PKP1: variants seen among roughly 807,000 people sequenced by gnomAD.
PKP1 encodes plakophilin-1.
In PKP1, 27 loss-of-function variants were observed where a neutral mutation model predicts 76.4. The ratio of observed to expected loss-of-function variants is 0.35; its 90% CI spans 0.26 to 0.49. The LOEUF is 0.49. Ranked by LOEUF, PKP1 falls within the 20% of genes least tolerant of loss-of-function variation. PKP1 has a pLI of 0.99. For synonymous variants in PKP1, 404 were observed against 384.2 expected, an observed-to-expected ratio of 1.05 and a Z score of -0.60; for missense variants, 964 against 955.2, an observed-to-expected ratio of 1.01 and a Z score of -0.12.
At chr1:201,316,114 G>GGACGGATGGACGGACA (rs1656719078) in intron 3 of PKP1, 1 of 144,330 alleles carries the variant, frequency 6.9e-6, no homozygotes. Context: ...ACAGATGGAT[G>GGACGGATGGACGGACA]GACGGATGGA....
intron 7 of PKP1, 73 bp from the exon 8 acceptor site, chr1:201,321,905 T>C: frequency 6.4e-7 from 1 of 1,564,200 alleles, no homozygotes; most frequent in Non-Finnish European, 8.8e-7. Flanking sequence ...TCTTATTAGC[T>C]AGGGTAGGTG....
In PKP1 at chr1:201,318,891, A is replaced by C. The variant is rs1397100172; in HGVS notation, c.1232+96A>C. The C allele has an allele frequency of 2.9e-6, 3 of 1,031,656 alleles. No individual in the cohort carries two copies. In the Admixed American group the frequency reaches 6.0e-5, roughly 20 times the overall value. 63.9% of individuals were successfully genotyped at this position (1,031,656 alleles called of 1,614,324 possible). On this transcript the variant is annotated intron_variant, in intron 6 of 13. Coordinates refer to ENST00000367324, the MANE Select transcript of PKP1 (RefSeq NM_001005337.3). ...CCAACATTCAGCCGGTGCATAGAACATAACAGACAACCCGGCACTCCCTCT... is the reference window on the plus strand; with the variant it reads ...CCAACATTCAGCCGGTGCATAGAACCTAACAGACAACCCGGCACTCCCTCT...
intron 12 of PKP1, 70 bp from the exon 13 acceptor site, chr1:201,328,692 G>A (rs1307822679): frequency 7.2e-7 from 1 of 1,387,822 alleles, no homozygotes; most frequent in Non-Finnish European, 1.0e-6. Flanking sequence ...GAGGGCAGTG[G>A]ACAGTGTCTG....
At chr1:201,328,494 C>A in intron 12 of PKP1, 2 of 533,788 alleles carry the variant, frequency 3.7e-6, no homozygotes, top group Non-Finnish European at 6.8e-6. Flanking sequence ...AGCCTAAATC[C>A]TCACGCCTTG....
At chr1:201,311,680 A>C (rs1023929590) in intron 2 of PKP1, among the ~76,000 whole-genome samples, 1 of 145,620 alleles carries the variant, frequency 6.9e-6, no homozygotes, top group Admixed American at 6.8e-5. Flanking sequence ...CCTCCCCTAC[A>C]CACACATACT....
chr1:201,298,681 A>T (rs917902062), intron 2 of PKP1, among the ~76,000 whole-genome samples: 3 of 152,134 alleles, frequency 2.0e-5, no homozygotes, highest in African/African-American at 7.2e-5. Flanking sequence ...AACAAGGGAG[A>T]ATTCTGTCTT....
intron 2 of PKP1, among the ~76,000 whole-genome samples, chr1:201,303,442 AT>A (rs1334171226): frequency 6.6e-6 from 1 of 152,194 alleles, no homozygotes; most frequent in African/African-American, 2.4e-5. Context: ...CAATGTATTT[AT>A]TTTGAAAGGA....
At chr1:201,294,572 G>A (rs976239560) in intron 2 of PKP1, among the ~76,000 whole-genome samples, 1 of 152,148 alleles carries the variant, frequency 6.6e-6, no homozygotes, top group African/African-American at 2.4e-5. Context: ...ATGTGGCTTT[G>A]GGCAAGTTAC....
At position 201,287,261 on chromosome 1, in the gene PKP1, G is replaced by T. The variant is rs1655768440; in HGVS notation, c.202+3357G>T. ...CAGGGGAGGTGCCTGCTCCCTTTCT[G>T]TAGTTCCTGTGTCTATTCAGCCCTC... On this transcript the variant is annotated intron_variant, in intron 1 of 13. Coordinates refer to ENST00000367324, the MANE Select transcript of PKP1 (RefSeq NM_001005337.3). Among the ~76,000 whole-genome samples the T allele has an allele frequency of 2.0e-5, 3 of 152,276 alleles. No individual in the cohort carries two copies. In the South Asian group the frequency reaches 6.2e-4, roughly 32 times the overall value.
At chr1:201,295,215 A>G (rs926406434) in intron 2 of PKP1, among the ~76,000 whole-genome samples, 2 of 151,950 alleles carry the variant, frequency 1.3e-5, no homozygotes, top group Non-Finnish European at 2.9e-5. Context: ...GGAGTTTATA[A>G]GTTTGGTGTT....
chr1:201,320,365 G>A lies in PKP1; in HGVS notation c.1331G>A (p.Ser444Asn). 6.2e-7 allele frequency: 1 copy of A among 1,612,576 alleles called. No individual in the cohort carries two copies. Among genetic ancestry groups the A allele is most frequent in the Non-Finnish European group, 8.5e-7 (1 of 1,178,562 alleles). Residue 444 changes from serine to asparagine, a missense_variant, in exon 7 of 14, where the codon AGC becomes AAC. Transcript: ENST00000367324. ...MAYVQNCVAA[S>N]RCDDKSVENC... ...TATGTCCAGAACTGTGTAGCGGCCA[G>A]CCGCTGTGACGACAAGGTGAGTGCA...
intron 1 of PKP1, among the ~76,000 whole-genome samples, chr1:201,287,333 A>G (rs1468419508): frequency 3.3e-5 from 5 of 152,180 alleles, no homozygotes; most frequent in African/African-American, 1.2e-4. Flanking sequence ...CAGCCTGCAC[A>G]GTGAAGGAGC....
At chr1:201,311,924 C>T (rs1031144782) in intron 2 of PKP1, among the ~76,000 whole-genome samples, 3 of 152,280 alleles carry the variant, frequency 2.0e-5, no homozygotes, top group African/African-American at 7.2e-5. Context: ...AACTGATTCG[C>T]ACCAAGTCTC....
In PKP1 at chr1:201,328,868, G is replaced by A; in HGVS notation, c.*32G>A. On this transcript the variant is annotated splice_region_variant and 3_prime_UTR_variant, in exon 13 of 14. Coordinates refer to ENST00000367324, the MANE Select transcript of PKP1 (RefSeq NM_001005337.3). ...ACTGTCCAAGCAAGTTAGGCTTGCA[G>A]GTAAGAATCACCCCACCCTCAGGGA... is the stretch of plus-strand genomic sequence containing the variant. 1 of 1,563,852 alleles carries A rather than the reference G, an allele frequency of 6.4e-7. No homozygotes were observed. Among genetic ancestry groups the A allele is most frequent in the Non-Finnish European group, 8.8e-7 (1 of 1,134,100 alleles).
At chr1:201,318,069 C>CA (rs1656818279) in intron 5 of PKP1, among the ~76,000 whole-genome samples, 2 of 152,220 alleles carry the variant, frequency 1.3e-5, no homozygotes, top group African/African-American at 4.8e-5. Flanking sequence ...TTCCACAAGC[C>CA]CTGGGATTCC....
At chr1:201,325,722 T>A (rs1432888077) in intron 11 of PKP1, 32 bp from the exon 12 acceptor site, 1 of 1,548,698 alleles carries the variant, frequency 6.5e-7, no homozygotes. Flanking sequence ...TCCTGGAATC[T>A]CATCTCACAA....
rs773808252 is a variant in PKP1, at chr1:201,318,691, C to T, written c.1128C>T (p.Ala376=). Residue 376 remains alanine, a synonymous_variant, in exon 6 of 14, where the codon GCC becomes GCT. Transcript: ENST00000367324. ...TTGCCGACGCCCTGCCTGTTCTGGC[C>T]GACCGCGTCATCATTCCCTTCTCTG... ...ELIADALPVL[A]DRVIIPFSGW... is the part of the protein sequence containing the mutation. 23 of 1,612,348 alleles carry T rather than the reference C, an allele frequency of 1.4e-5. No homozygotes were observed. Among genetic ancestry groups the T allele is most frequent in the Middle Eastern group, 2.1e-4 (1 of 4,660 alleles).
intron 7 of PKP1, among the ~76,000 whole-genome samples, chr1:201,320,670 A>G (rs1656913315): frequency 6.6e-6 from 1 of 152,238 alleles, no homozygotes; most frequent in Non-Finnish European, 1.5e-5. Flanking sequence ...TAATCATATC[A>G]ACCTCAAGGG....
At chr1:201,304,841 G>A (rs1467027401) in intron 2 of PKP1, among the ~76,000 whole-genome samples, 3 of 152,234 alleles carry the variant, frequency 2.0e-5, no homozygotes, top group Non-Finnish European at 2.9e-5. Flanking sequence ...CCCCATCTTA[G>A]CTGCGTGGCC....
Sources: gnomAD v4.1 joint callset for allele counts (sites outside exome capture counted in the v4.1 genomes callset) on GRCh38, gnomAD v4.1.1 for gene constraint, MANE v1.5 for transcripts, NCBI Gene and HGNC (gene_info 2026-07-23, HGNC 2026-07-21) for gene names.